The following SLCO4A1 variants were observed in gnomAD, a reference collection of about 807,000 sequenced individuals.
SLCO4A1 encodes solute carrier organic anion transporter family member 4A1, also known as colon organic anion transporter.
In SLCO4A1, 51 loss-of-function variants were observed where a neutral mutation model predicts 64.6. The ratio of observed to expected loss-of-function variants is 0.79; its 90% CI spans 0.63 to 1.00. SLCO4A1 has a LOEUF of 1.00. SLCO4A1 is among the 50% of genes least tolerant of loss of function. The probability of loss-of-function intolerance (pLI) is 0.00; values close to 1 mark genes in which losing one functional copy is unlikely to be tolerated. For missense variants in SLCO4A1, 919 were observed against 980.5 expected, an observed-to-expected ratio of 0.94 and a Z score of 0.84; for synonymous variants, 471 against 444.9, an observed-to-expected ratio of 1.06 and a Z score of -0.74.
chr20:62,660,999 T>C lies in SLCO4A1; in HGVS notation c.1010-65T>C. The C allele has an allele frequency of 3.6e-6, 4 of 1,098,896 alleles. No homozygotes were observed. In the Admixed American group the frequency reaches 6.0e-5, roughly 16 times the overall value. The allele number at this position is 1,098,896 out of a possible 1,614,324, so 68.1% of individuals were successfully genotyped here. On this transcript the variant is annotated intron_variant, in intron 4 of 11. Transcript: ENST00000217159. Reference sequence around the variant, plus strand: ...GGCAGAGGAGTGGGGGCAGAGCCTCTCTCGGAGAAGTCCACCTCCGGGAGC... The same window carrying C: ...GGCAGAGGAGTGGGGGCAGAGCCTCCCTCGGAGAAGTCCACCTCCGGGAGC...
chr20:62,671,371 A>G, intron 11 of SLCO4A1, among the ~76,000 whole-genome samples: 1 of 151,858 alleles, frequency 6.6e-6, no homozygotes, highest in East Asian at 1.9e-4. Context: ...TCTCATGAGG[A>G]CACCAGTCAT....
chr20:62,646,737 A>G (rs1981405400), intron 1 of SLCO4A1, among the ~76,000 whole-genome samples: 2 of 152,222 alleles, frequency 1.3e-5, no homozygotes, highest in South Asian at 4.1e-4. Flanking sequence ...TGTCTCTGTT[A>G]TGGGTGGAAA....
chr20:62,689,543 G>C (rs899609627), downstream of SLCO4A1, among the ~76,000 whole-genome samples: 12 of 152,222 alleles, frequency 7.9e-5, no homozygotes, highest in Admixed American at 2.0e-4. Context: ...TACGGGGGAC[G>C]TGGCAGAGGG....
rs769141406 is a variant in SLCO4A1 at position 62,679,656 on chromosome 20, C to G, written n.212-5785C>G. 5.3e-5 allele frequency among the ~76,000 whole-genome samples: 8 copies of G among 152,330 alleles called. No homozygotes were observed. The South Asian group carries it at 1.0e-3, about 20-fold the overall frequency. On this transcript the variant is annotated intron_variant and non_coding_transcript_variant, in intron 2 of 2. Transcript: ENST00000466818. ...GGGATTACAGATGTGAGCCACCATG[C>G]CTGGTTTATGGAATCACTTTTTACA...
chr20:62,683,650 T>G lies in SLCO4A1; in HGVS notation n.212-1791T>G, dbSNP rs6010861. ...TCACTGTTGCGTTACAGTTGCCTCT[T>G]GTATTCAGCACGGCAACACACAGTG... On this transcript the variant is annotated intron_variant and non_coding_transcript_variant, in intron 2 of 2. Transcript: ENST00000466818. Among the ~76,000 whole-genome samples, 30 of 152,208 alleles carry G rather than the reference T, an allele frequency of 2.0e-4. No individual in the cohort carries two copies. The East Asian group carries it at 4.1e-3, about 21-fold the overall frequency.
chr20:62,668,873 C>T lies in SLCO4A1; in HGVS notation c.1877-57C>T, dbSNP rs1986847410. ...ATTCCAGGCCTCTTGGCTGCCTGCC[C>T]CCTGCCTAGCCCCTACCCACCAGGA... is the stretch of plus-strand genomic sequence containing the variant. On this transcript the variant is annotated intron_variant, in intron 10 of 11. Transcript: ENST00000217159. The T allele has an allele frequency of 3.9e-6, 6 of 1,554,090 alleles. No homozygotes were observed. In the Admixed American group the frequency reaches 7.0e-5, roughly 18 times the overall value.
At position 62,664,915 on chromosome 20, in the gene SLCO4A1, C is replaced by T. The variant is rs1280671579; in HGVS notation, c.1122-19C>T. Reference sequence around the variant, plus strand: ...ACTCTGACCCTCAGTCTCTTCTCCACACCCCCACCTCTGCCCAGCTCCATC... The same window carrying T: ...ACTCTGACCCTCAGTCTCTTCTCCATACCCCCACCTCTGCCCAGCTCCATC... On this transcript the variant is annotated intron_variant, in intron 5 of 11. Coordinates refer to ENST00000217159, the MANE Select transcript of SLCO4A1 (RefSeq NM_016354.4). The T allele has an allele frequency of 6.3e-7, 1 of 1,576,704 alleles. No individual in the cohort carries two copies. The highest frequency in any genetic ancestry group is 1.8e-5 in the Admixed American group (1 of 54,370).
chr20:62,687,710 G>T (rs12625962), downstream of SLCO4A1, among the ~76,000 whole-genome samples: 1 of 152,198 alleles, frequency 6.6e-6, no homozygotes, highest in Non-Finnish European at 1.5e-5. Flanking sequence ...GCTGTGGGGG[G>T]CCGCTCCTGG....
chr20:62,667,911 G>A lies in SLCO4A1; in HGVS notation c.1638+1G>A. On this transcript the variant is annotated splice_donor_variant, in intron 8 of 11. Transcript: ENST00000217159. LOFTEE classifies it high-confidence loss of function. The stretch of plus-strand genomic sequence containing the variant: ...GGAGACGAATGTGGACGGCCAGAAG[G>A]TGAGTGGAGCCGCTGCCTACCGCCC... The A allele has an allele frequency of 1.2e-6, 2 of 1,614,002 alleles. No individual in the cohort carries two copies. Among genetic ancestry groups the A allele is most frequent in the Non-Finnish European group, 8.5e-7 (1 of 1,180,032 alleles).
At chr20:62,688,287 CG>C (rs1348933091), downstream of SLCO4A1, among the ~76,000 whole-genome samples, 5 of 152,156 alleles carry the variant, frequency 3.3e-5, no homozygotes, top group Non-Finnish European at 5.9e-5. Context: ...GTCCTGCCCG[CG>C]GCCCCCCACG....
chr20:62,667,422 C>A, intron 7 of SLCO4A1: 4 of 293,332 alleles, frequency 1.4e-5, no homozygotes, highest in Admixed American at 4.6e-5. Context: ...GGCGCTTTTT[C>A]TTTCCTAATG....
intron 5 of SLCO4A1, among the ~76,000 whole-genome samples, chr20:62,664,281 C>T (rs1985656334): frequency 6.6e-6 from 1 of 152,212 alleles, no homozygotes; most frequent in South Asian, 2.1e-4. Context: ...CACTGGCCCC[C>T]AAGTGCAAAC....
At chr20:62,660,215 A>G (rs996121239) in intron 3 of SLCO4A1, among the ~76,000 whole-genome samples, 197 bp from the exon 4 acceptor site, 2 of 152,160 alleles carry the variant, frequency 1.3e-5, no homozygotes, top group African/African-American at 4.8e-5. Context: ...GGGACAGCTA[A>G]GCCAAGGTGG....
intron 1 of SLCO4A1, among the ~76,000 whole-genome samples, chr20:62,643,702 CG>C (rs1471416267): frequency 6.6e-6 from 1 of 152,246 alleles, no homozygotes; most frequent in Non-Finnish European, 1.5e-5. Context: ...TTCCCAGCAG[CG>C]GGAGCAAATG....
chr20:62,685,985 CATG>C (rs539350879), downstream of SLCO4A1, among the ~76,000 whole-genome samples: 64 of 152,260 alleles, frequency 4.2e-4, no homozygotes, highest in African/African-American at 1.4e-3. This position sits in a 1 kb window ranked among gnomAD's most constrained non-coding sequence, Gnocchi z 4.6. Context: ...CAGAACATAC[CATG>C]ATGAGAGCCG....
chr20:62,683,703 G>A (rs1454558100), intron 2 of SLCO4A1, among the ~76,000 whole-genome samples: 13 of 152,210 alleles, frequency 8.5e-5, no homozygotes, highest in Non-Finnish European at 1.6e-4. Context: ...AGCAACGGGC[G>A]ACACCATGTG....
downstream of SLCO4A1, among the ~76,000 whole-genome samples, chr20:62,687,562 C>T (rs767296063): frequency 9.2e-5 from 14 of 152,364 alleles, no homozygotes; most frequent in African/African-American, 2.9e-4. Context: ...AGGCAGCGCA[C>T]GGGGCAGAGC....
Position 62,661,673 on chromosome 20 carries a change from C to G in SLCO4A1, c.1121+498C>G, listed in dbSNP as rs6062747. Among the ~76,000 whole-genome samples, 101,687 of 149,990 alleles carry G rather than the reference C, an allele frequency of 0.68. 35,835 individuals are homozygous for G. The highest frequency in any genetic ancestry group is 0.82 in the East Asian group (4,088 of 5,004). ...TGGGATGCTGCCCCCCCATCTCCCT[C>G]CCTCCCTCAGAGTCTCTGAGGACCT... On this transcript the variant is annotated intron_variant, in intron 5 of 11. Coordinates refer to ENST00000217159, the MANE Select transcript of SLCO4A1 (RefSeq NM_016354.4). This position sits in a 1 kb window ranked among gnomAD's most constrained non-coding sequence, Gnocchi z 5.2.
downstream of SLCO4A1, among the ~76,000 whole-genome samples, chr20:62,687,534 G>A (rs1426147694): frequency 2.6e-5 from 4 of 152,254 alleles, no homozygotes. Flanking sequence ...CAATGAGCCC[G>A]GCAAGGGCCA....
Sources: gnomAD v4.1 joint callset for allele counts (sites outside exome capture counted in the v4.1 genomes callset) on GRCh38, gnomAD v4.1.1 for gene constraint, Gnocchi (gnomAD v3.1) non-coding constraint, MANE v1.5 for transcripts, NCBI Gene and HGNC (gene_info 2026-07-23, HGNC 2026-07-21) for gene names.